PCSK5: variants seen among roughly 807,000 people sequenced by gnomAD.
PCSK5 encodes proprotein convertase subtilisin/kexin type 5.
PCSK5 carries 129 observed loss-of-function variants against 233.2 expected under a neutral mutation model. The ratio of observed to expected loss-of-function variants is 0.55; its 90% CI spans 0.48 to 0.64. PCSK5 has a LOEUF of 0.64. PCSK5 is among the 30% of genes least tolerant of loss of function. PCSK5 has a pLI of 0.00. For synonymous variants in PCSK5, 825 were observed against 879.2 expected (o/e 0.94, Z 1.09); for missense variants, 2,076 against 2,430.1 (o/e 0.85, Z 3.06).
chr9:75,927,138 G>C (rs898314605), intron 1 of PCSK5, among the ~76,000 whole-genome samples: 1 of 152,106 alleles, frequency 6.6e-6, no homozygotes, highest in African/African-American at 2.4e-5. Flanking sequence ...TGCCTGTCTT[G>C]TTAATGTTAG....
At chr9:76,078,753 A>G (rs193136745) in intron 7 of PCSK5, among the ~76,000 whole-genome samples, 9 of 152,270 alleles carry the variant, frequency 5.9e-5, no homozygotes, top group Admixed American at 5.2e-4. Flanking sequence ...ATACCAAGTA[A>G]TGTAATGCCT....
intron 5 of PCSK5, among the ~76,000 whole-genome samples, chr9:76,039,592 CT>C (rs1427607841): frequency 6.6e-5 from 10 of 152,158 alleles, no homozygotes; most frequent in Non-Finnish European, 1.5e-4. Flanking sequence ...AGAGAATGTA[CT>C]AAGCAATAAC....
chr9:76,289,492 C>CAT (rs1828203362), intron 24 of PCSK5, among the ~76,000 whole-genome samples: 1 of 130,698 alleles, frequency 7.7e-6, no homozygotes, highest in Non-Finnish European at 1.6e-5. Context: ...CACACACACA[C>CAT]ACACACACAC....
intron 9 of PCSK5, among the ~76,000 whole-genome samples, chr9:76,128,123 C>G (rs1037850584): frequency 6.6e-6 from 1 of 152,126 alleles, no homozygotes; most frequent in African/African-American, 2.4e-5. Flanking sequence ...ATGCTAAGTC[C>G]TGGGACAGCC....
chr9:76,020,417 G>A (rs1049822832), intron 3 of PCSK5, among the ~76,000 whole-genome samples: 3 of 152,154 alleles, frequency 2.0e-5, no homozygotes, highest in South Asian at 2.1e-4. Flanking sequence ...ATTAAAAGTC[G>A]AAGATCCACA....
chr9:75,953,632 A>G (rs1824963905), intron 2 of PCSK5, among the ~76,000 whole-genome samples: 2 of 145,556 alleles, frequency 1.4e-5, no homozygotes, highest in African/African-American at 4.9e-5. Context: ...ATTGGCGTGC[A>G]TATGTGTGTG....
At chr9:76,147,162 G>A (rs533629977) in intron 10 of PCSK5, among the ~76,000 whole-genome samples, 1 of 152,232 alleles carries the variant, frequency 6.6e-6, no homozygotes, top group South Asian at 2.1e-4. Flanking sequence ...TGTACTTAAC[G>A]CCTTAAGTAA....
At chr9:76,226,134 G>A (rs1033356426) in intron 20 of PCSK5, among the ~76,000 whole-genome samples, 1 of 152,132 alleles carries the variant, frequency 6.6e-6, no homozygotes, top group South Asian at 2.1e-4. Context: ...AACAGAGCCC[G>A]GGGTGTGCAG....
chr9:76,157,226 T>C, intron 11 of PCSK5, 64 bp downstream of exon 11: 1 of 1,037,490 alleles, frequency 9.6e-7, no homozygotes, highest in Non-Finnish European at 1.5e-6. Flanking sequence ...AGTCAATTGC[T>C]CAAGACAGCC....
Position 76,100,685 on chromosome 9 carries a change from A to G in PCSK5, c.1107+4583A>G, listed in dbSNP as rs1204700403. Among the ~76,000 whole-genome samples, 3 of 152,192 alleles carry G rather than the reference A, an allele frequency of 2.0e-5. 1 individual carries two copies. The highest frequency in any genetic ancestry group is 4.1e-4 in the South Asian group (2 of 4,834). ...TTCTTACCTGTTTTGAGTTCTTTTC[A>G]GTCATAAAGAAGCATTTAGAATATA... On this transcript the variant is annotated intron_variant, in intron 8 of 37. Coordinates refer to ENST00000674117, the MANE Select transcript of PCSK5 (RefSeq NM_001372043.1).
At chr9:75,981,924 T>C (rs1013868161) in intron 2 of PCSK5, among the ~76,000 whole-genome samples, 10 of 152,190 alleles carry the variant, frequency 6.6e-5, no homozygotes, top group Admixed American at 5.2e-4. Flanking sequence ...CATATTCCCA[T>C]GGATCAAAAG....
intron 2 of PCSK5, among the ~76,000 whole-genome samples, chr9:75,984,622 G>A (rs905074278): frequency 5.1e-4 from 77 of 152,290 alleles, no homozygotes; most frequent in African/African-American, 1.6e-3. Flanking sequence ...TGTGTCAGAT[G>A]TCATTCATGG....
intron 5 of PCSK5, among the ~76,000 whole-genome samples, chr9:76,057,997 C>T (rs1829885056): frequency 6.6e-6 from 1 of 151,970 alleles, no homozygotes; most frequent in African/African-American, 2.4e-5. Context: ...CCACTATGCC[C>T]AGCTAATTTA....
chr9:75,930,211 C>A (rs183725799), intron 1 of PCSK5, among the ~76,000 whole-genome samples: 10 of 152,260 alleles, frequency 6.6e-5, no homozygotes, highest in Admixed American at 6.5e-4. Flanking sequence ...GGGGGGAACC[C>A]ACCCCATGAT....
intron 24 of PCSK5, among the ~76,000 whole-genome samples, chr9:76,253,010 C>T (rs575337817): frequency 3.3e-5 from 5 of 152,296 alleles, no homozygotes; most frequent in South Asian, 4.1e-4. Context: ...CATTTTGGTA[C>T]CTTCCAAACC....
chr9:75,940,523 G>A (rs1824253448), intron 2 of PCSK5, among the ~76,000 whole-genome samples: 1 of 152,256 alleles, frequency 6.6e-6, no homozygotes, highest in African/African-American at 2.4e-5. Context: ...GGCAGGATCA[G>A]ATGAACTCAG....
intron 24 of PCSK5, among the ~76,000 whole-genome samples, chr9:76,243,533 A>C (rs1295001476): frequency 6.6e-6 from 1 of 152,192 alleles, no homozygotes; most frequent in Non-Finnish European, 1.5e-5. Flanking sequence ...TCTTGGATAG[A>C]CTTGGCTGAA....
intron 6 of PCSK5, among the ~76,000 whole-genome samples, chr9:76,069,103 T>C (rs1830390101): frequency 6.6e-6 from 1 of 152,140 alleles, no homozygotes; most frequent in Admixed American, 6.5e-5. Flanking sequence ...TGAATTCTTA[T>C]GAGTATGATA....
chr9:76,059,272 T>C (rs1829941233), intron 5 of PCSK5, among the ~76,000 whole-genome samples: 1 of 152,200 alleles, frequency 6.6e-6, no homozygotes. Context: ...CTTTGTCAGA[T>C]AGATAGATGG....
Sources: gnomAD v4.1 joint callset for allele counts (sites outside exome capture counted in the v4.1 genomes callset) on GRCh38, gnomAD v4.1.1 for gene constraint, MANE v1.5 for transcripts, NCBI Gene and HGNC (gene_info 2026-07-23, HGNC 2026-07-21) for gene names.